The following ASIC2 variants were observed in gnomAD, a reference collection of about 807,000 sequenced individuals.
The protein encoded by ASIC2 is acid sensing ion channel subunit 2.
ASIC2 carries 25 observed loss-of-function variants against 57.3 expected under a neutral mutation model. The ratio of observed to expected loss-of-function variants is 0.44; its 90% CI spans 0.32 to 0.61. The LOEUF (loss-of-function observed/expected upper bound fraction) is 0.61, where lower values mean the gene tolerates loss of function less well. Among genes scored for constraint, ASIC2 ranks in the 20% least tolerant of loss-of-function variants. ASIC2 has a pLI of 0.06. For synonymous variants in ASIC2, 319 were observed against 307.5 expected (o/e 1.04, Z -0.39); for missense variants, 641 against 738.1 (o/e 0.87, Z 1.52).
rs550765117 is a variant in ASIC2, at chr17:34,021,819, G to A, written c.555+134159C>T. Among the ~76,000 whole-genome samples, 9 of 149,412 alleles carry A rather than the reference G, an allele frequency of 6.0e-5. No individual in the cohort carries two copies. In the South Asian group the frequency reaches 1.9e-3, roughly 32 times the overall value. ...GAGCCAGGGGCTTTTTTTTGTTGTT[G>A]GTTTTGTGTTTTGTTTTGTTTTTTT... On this transcript the variant is annotated intron_variant, in intron 1 of 9. Coordinates refer to the ASIC2 transcript ENST00000359872.
At chr17:33,496,611 T>TG (rs1913941083) in intron 1 of ASIC2, among the ~76,000 whole-genome samples, 1 of 77,122 alleles carries the variant, frequency 1.3e-5, no homozygotes, top group Non-Finnish European at 2.8e-5. Flanking sequence ...AGGTTTTTTT[T>TG]TTTTTTTTTT....
chr17:33,970,188 T>G (rs1452867576), intron 1 of ASIC2, among the ~76,000 whole-genome samples: 1 of 152,148 alleles, frequency 6.6e-6, no homozygotes, highest in African/African-American at 2.4e-5. Flanking sequence ...TAGATGCCAG[T>G]AGCACCTTTC....
At chr17:33,061,865 C>G (rs1327383031) in intron 3 of ASIC2, among the ~76,000 whole-genome samples, 1 of 152,164 alleles carries the variant, frequency 6.6e-6, no homozygotes, top group Non-Finnish European at 1.5e-5. Flanking sequence ...TTCAGAGATT[C>G]AACTTCTTCC....
intron 1 of ASIC2, among the ~76,000 whole-genome samples, chr17:33,434,979 G>C (rs1911557094): frequency 6.6e-6 from 1 of 152,096 alleles, no homozygotes; most frequent in East Asian, 1.9e-4. Flanking sequence ...TAGGTAATGT[G>C]AGATAAAACA....
intron 1 of ASIC2, among the ~76,000 whole-genome samples, chr17:34,143,519 G>A (rs1408759428): frequency 6.6e-6 from 1 of 152,206 alleles, no homozygotes; most frequent in Non-Finnish European, 1.5e-5. Flanking sequence ...GTTGCCTATT[G>A]TGTTTTGCCT....
intron 1 of ASIC2, chr17:34,039,010 T>C: frequency 1.2e-6 from 2 of 1,614,194 alleles, no homozygotes; most frequent in Non-Finnish European, 1.7e-6. Flanking sequence ...TTGCATGCTC[T>C]TATCTCTACA....
intron 1 of ASIC2, among the ~76,000 whole-genome samples, chr17:33,888,926 C>A (rs1223319706): frequency 6.6e-6 from 1 of 152,120 alleles, no homozygotes; most frequent in Non-Finnish European, 1.5e-5. Context: ...ATGGGGGAAG[C>A]AGAGGGACCC....
chr17:33,856,530 A>AGTG (rs1363421640), intron 1 of ASIC2, among the ~76,000 whole-genome samples: 1 of 151,250 alleles, frequency 6.6e-6, no homozygotes. Context: ...TGGTAGTAGT[A>AGTG]GTGGTAGTAG....
chr17:33,697,412 T>C (rs1908561567), intron 1 of ASIC2, among the ~76,000 whole-genome samples: 1 of 152,150 alleles, frequency 6.6e-6, no homozygotes, highest in Non-Finnish European at 1.5e-5. Context: ...AAAATCCACA[T>C]AGAAGTTGAC....
chr17:33,242,208 T>A (rs1010718310), intron 1 of ASIC2, among the ~76,000 whole-genome samples: 44 of 151,570 alleles, frequency 2.9e-4, no homozygotes, highest in African/African-American at 1.0e-3. Flanking sequence ...TCCCAGCTAC[T>A]CGGGAGGCTG....
chr17:33,162,971 T>C (rs1001936289), intron 1 of ASIC2, among the ~76,000 whole-genome samples: 1 of 152,254 alleles, frequency 6.6e-6, no homozygotes, highest in East Asian at 1.9e-4. Context: ...TGGCTGTTTC[T>C]CTTTCCTGCA....
At chr17:33,210,396 C>T (rs1364256907) in intron 1 of ASIC2, among the ~76,000 whole-genome samples, 1 of 152,162 alleles carries the variant, frequency 6.6e-6, no homozygotes, top group Non-Finnish European at 1.5e-5. Flanking sequence ...GTGTGCATCA[C>T]ATCTGACATT....
At chr17:33,443,308 A>G (rs887318671) in intron 1 of ASIC2, among the ~76,000 whole-genome samples, 2 of 150,438 alleles carry the variant, frequency 1.3e-5, no homozygotes, top group South Asian at 2.1e-4. Flanking sequence ...TCCGGAGCTT[A>G]TGTAGGATTG....
chr17:33,355,856 G>T (rs941029920), intron 1 of ASIC2, among the ~76,000 whole-genome samples: 12 of 152,142 alleles, frequency 7.9e-5, no homozygotes, highest in Admixed American at 5.9e-4. Flanking sequence ...TTTCTTGTTT[G>T]CTCAGAGCTT....
chr17:33,321,530 A>C (rs1401075146), intron 1 of ASIC2, among the ~76,000 whole-genome samples: 1 of 152,216 alleles, frequency 6.6e-6, no homozygotes, highest in Admixed American at 6.5e-5. Flanking sequence ...AGTTGCATTA[A>C]AATACTTATT....
chr17:33,613,278 C>T (rs568627646), intron 1 of ASIC2, among the ~76,000 whole-genome samples: 1 of 152,114 alleles, frequency 6.6e-6, no homozygotes, highest in African/African-American at 2.4e-5. Context: ...TTTCTCTCCT[C>T]ATTCCTCCAG....
chr17:33,203,458 G>A (rs1040604861), intron 1 of ASIC2, among the ~76,000 whole-genome samples: 1 of 152,156 alleles, frequency 6.6e-6, no homozygotes, highest in African/African-American at 2.4e-5. Context: ...GCGAAGAAAT[G>A]TTTTCCTTCT....
chr17:33,097,641 C>T (rs1365894511), intron 2 of ASIC2, among the ~76,000 whole-genome samples: 1 of 152,214 alleles, frequency 6.6e-6, no homozygotes, highest in Admixed American at 6.5e-5. Flanking sequence ...GGGCTAGAAG[C>T]CACATTGGTG....
intron 1 of ASIC2, among the ~76,000 whole-genome samples, chr17:33,503,014 CT>C (rs1054920370): frequency 6.6e-6 from 1 of 152,132 alleles, no homozygotes; most frequent in Non-Finnish European, 1.5e-5. Flanking sequence ...TTGATAATAC[CT>C]TGTGATTCAG....
Sources: gnomAD v4.1 joint callset for allele counts (sites outside exome capture counted in the v4.1 genomes callset) on GRCh38, gnomAD v4.1.1 for gene constraint, MANE v1.5 for transcripts, NCBI Gene and HGNC (gene_info 2026-07-23, HGNC 2026-07-21) for gene names.